Variants in SYNE2 observed in about 807,000 individuals in gnomAD.
The protein encoded by SYNE2 is spectrin repeat containing nuclear envelope protein 2.
Under a neutral mutation model 856.3 loss-of-function variants are expected in SYNE2, and 431 were observed. The observed-to-expected ratio is 0.50, with a 90% CI of 0.47 to 0.55. The LOEUF (loss-of-function observed/expected upper bound fraction) is 0.55. SYNE2 is among the 20% of genes least tolerant of loss of function. The pLI is 0.00. For synonymous variants in SYNE2, 2,923 were observed against 2,872.3 expected (o/e 1.02, Z -0.56); for missense variants, 8,129 against 8,023.2 (o/e 1.01, Z -0.50).
intron 1 of SYNE2, among the ~76,000 whole-genome samples, chr14:63,887,668 C>T (rs1287350250): frequency 5.3e-5 from 8 of 152,108 alleles, no homozygotes; most frequent in Non-Finnish European, 1.2e-4. Context: ...TTTTTTCCCC[C>T]CCATTCCTAG....
At chr14:63,977,502 A>G (rs565145875) in intron 12 of SYNE2, among the ~76,000 whole-genome samples, 18 of 152,256 alleles carry the variant, frequency 1.2e-4, no homozygotes, top group Non-Finnish European at 2.2e-4. Flanking sequence ...GTGAGCCACC[A>G]CGCCCAGCCA....
Position 64,024,505 on chromosome 14 carries a change from T to C in SYNE2, c.5840+46T>C, listed in dbSNP as rs564587565. 11 of 1,575,304 alleles carry C rather than the reference T, an allele frequency of 7.0e-6. No individual in the cohort carries two copies. In the South Asian group the frequency reaches 1.0e-4, roughly 14 times the overall value. On this transcript the variant is annotated intron_variant, in intron 39 of 115. Transcript: ENST00000555002. ...CTAAATAACATGTTTTCTAACCATA[T>C]CTTTATTTGTACTCTGCCTCAGCGC... is the stretch of plus-strand genomic sequence containing the variant.
intron 57 of SYNE2, among the ~76,000 whole-genome samples, chr14:64,082,870 C>T (rs540802976): frequency 6.6e-6 from 1 of 152,292 alleles, no homozygotes; most frequent in East Asian, 1.9e-4. Flanking sequence ...CCCCACGTGT[C>T]CATGCTGGCT....
chr14:63,895,482 G>A (rs1403372252), intron 1 of SYNE2, among the ~76,000 whole-genome samples: 1 of 150,814 alleles, frequency 6.6e-6, no homozygotes, highest in African/African-American at 2.4e-5. Flanking sequence ...GCCCAGGAAG[G>A]GTGGTTCACA....
chr14:64,128,794 G>A (rs756963576), intron 74 of SYNE2, among the ~76,000 whole-genome samples: 2 of 152,246 alleles, frequency 1.3e-5, no homozygotes, highest in Non-Finnish European at 2.9e-5. Flanking sequence ...TATGTCCAGT[G>A]TTGGTAAGGG....
At chr14:63,840,280 A>AT (rs1555343744) in intron 1 of SYNE2, among the ~76,000 whole-genome samples, 2 of 152,144 alleles carry the variant, frequency 1.3e-5, no homozygotes, top group Non-Finnish European at 2.9e-5. Flanking sequence ...CAAAAAAAAA[A>AT]GTAGGCTTTT....
intron 1 of SYNE2, among the ~76,000 whole-genome samples, chr14:63,888,878 A>C (rs2095058497): frequency 6.6e-6 from 1 of 152,086 alleles, no homozygotes; most frequent in Admixed American, 6.6e-5. Context: ...TAGCAGAACC[A>C]AAAAAATTGT....
intron 1 of SYNE2, among the ~76,000 whole-genome samples, chr14:63,793,445 T>C (rs1202398252): frequency 1.3e-5 from 2 of 152,266 alleles, no homozygotes; most frequent in African/African-American, 4.8e-5. Context: ...CTACTGTCGA[T>C]AAATTTCTAC....
chr14:64,190,938 T>C, intron 99 of SYNE2: 1 of 701,908 alleles, frequency 1.4e-6, no homozygotes, highest in Non-Finnish European at 2.6e-6. Flanking sequence ...TGGATGTTTT[T>C]TCAGTGGCCA....
At chr14:64,143,349 G>T (rs1039764273) in intron 82 of SYNE2, among the ~76,000 whole-genome samples, 7 of 152,300 alleles carry the variant, frequency 4.6e-5, no homozygotes, top group Admixed American at 6.5e-5. Flanking sequence ...AAATGACAGA[G>T]TTCCTTAAGG....
rs2096766028 is a variant in SYNE2 at position 64,002,835 on chromosome 14, T to C, written c.3902T>C (p.Ile1301Thr). 2 of 1,614,184 alleles carry C rather than the reference T, an allele frequency of 1.2e-6. No homozygotes were observed. Among genetic ancestry groups the C allele is most frequent in the Non-Finnish European group, 1.7e-6 (2 of 1,180,040 alleles). The change falls in exon 30 of 116, where the codon ATA (isoleucine) becomes ACA (threonine). Residue 1301 changes from isoleucine (I) to threonine (T), a missense_variant. Coordinates refer to ENST00000555002, the MANE Select transcript of SYNE2 (RefSeq NM_182914.3). ...GATCTACACGCAATGCAGAATATTA[T>C]ACTGAAATACAAAACACAATTTGAA... ...PFDLHAMQNI[I>T]LKYKTQFEGM... is the part of the protein sequence containing the mutation.
At chr14:63,835,514 T>A (rs911102678) in intron 1 of SYNE2, among the ~76,000 whole-genome samples, 1 of 152,092 alleles carries the variant, frequency 6.6e-6, no homozygotes, top group African/African-American at 2.4e-5. Context: ...ATTACAGGCA[T>A]GAACCCTCAT....
intron 85 of SYNE2, among the ~76,000 whole-genome samples, chr14:64,155,287 CAT>C (rs35492086): frequency 0.45 from 68,322 of 150,962 alleles, 16,053 homozygotes; most frequent in African/African-American, 0.6. Context: ...GTAGTACATA[CAT>C]ATATATATAT....
intron 79 of SYNE2, among the ~76,000 whole-genome samples, chr14:64,139,415 T>TTA (rs1463819623): frequency 1.4e-5 from 2 of 140,548 alleles, no homozygotes; most frequent in African/African-American, 5.4e-5. Context: ...ATTATTATTA[T>TTA]TTTTTTTTTT....
intron 1 of SYNE2, among the ~76,000 whole-genome samples, chr14:63,767,898 A>C (rs201254651): frequency 6.6e-6 from 1 of 152,148 alleles, no homozygotes; most frequent in East Asian, 1.9e-4. Flanking sequence ...GGGATATATG[A>C]AAGCCATTGT....
At chr14:63,779,072 C>A (rs1286411239) in intron 1 of SYNE2, among the ~76,000 whole-genome samples, 1 of 151,904 alleles carries the variant, frequency 6.6e-6, no homozygotes, top group Non-Finnish European at 1.5e-5. Flanking sequence ...GTAATCCTAG[C>A]ACATTGGGAG....
chr14:63,995,587 A>T (rs1032679485), intron 23 of SYNE2, among the ~76,000 whole-genome samples: 1 of 152,120 alleles, frequency 6.6e-6, no homozygotes, highest in African/African-American at 2.4e-5. Context: ...GGCAAATCTC[A>T]TGATCTTTTT....
At chr14:63,793,909 A>G (rs1887828228) in intron 1 of SYNE2, among the ~76,000 whole-genome samples, 2 of 151,482 alleles carry the variant, frequency 1.3e-5, no homozygotes. Flanking sequence ...ACTGCACTCC[A>G]GCCTGGGCAA....
Position 63,999,053 on chromosome 14 carries a change from A to G in SYNE2, c.3480+13A>G. ...GACAGATCTACAGGTAATTACCAAA[A>G]ATATTATTTCTCTGATTATCTTGTT... On this transcript the variant is annotated intron_variant, in intron 27 of 115. Transcript: ENST00000555002. 6.2e-7 allele frequency: 1 copy of G among 1,612,528 alleles called. No homozygotes were observed. The highest frequency in any genetic ancestry group is 8.5e-7 in the Non-Finnish European group (1 of 1,178,774).
Sources: gnomAD v4.1 joint callset for allele counts (sites outside exome capture counted in the v4.1 genomes callset) on GRCh38, gnomAD v4.1.1 for gene constraint, MANE v1.5 for transcripts, NCBI Gene and HGNC (gene_info 2026-07-23, HGNC 2026-07-21) for gene names.